FAT3: variants seen among roughly 807,000 people sequenced by gnomAD.
FAT3 encodes the protein protocadherin Fat 3.
A neutral mutation model predicts 310.2 loss-of-function variants in FAT3; 95 were observed. The observed-to-expected ratio is 0.31, with a 90% CI of 0.26 to 0.36. FAT3 has a LOEUF of 0.36. FAT3 is among the 10% of genes least tolerant of loss of function. The probability of loss-of-function intolerance (pLI) is 1.00; values close to 1 mark genes in which losing one functional copy is unlikely to be tolerated. For synonymous variants in FAT3, 2,314 were observed against 2,192.9 expected (o/e 1.06, Z -1.54); for missense variants, 5,408 against 5,715.6 (o/e 0.95, Z 1.74).
chr11:92,887,543 A>G (rs1373796952), intron 25 of FAT3, among the ~76,000 whole-genome samples: 1 of 152,238 alleles, frequency 6.6e-6, no homozygotes, highest in Non-Finnish European at 1.5e-5. Flanking sequence ...TTATAGAACC[A>G]GTGGAATCTT....
intron 22 of FAT3, among the ~76,000 whole-genome samples, chr11:92,867,590 T>C (rs1949281202): frequency 6.6e-6 from 1 of 152,168 alleles, no homozygotes. Flanking sequence ...AGTAGCACTA[T>C]GAGTTATGAT....
chr11:92,852,558 G>T (rs1948859734), intron 19 of FAT3, among the ~76,000 whole-genome samples: 1 of 152,060 alleles, frequency 6.6e-6, no homozygotes, highest in Non-Finnish European at 1.5e-5. Context: ...AACTATCCTT[G>T]CCAAAAACTA....
intron 3 of FAT3, among the ~76,000 whole-genome samples, chr11:92,551,445 T>TGTGTGTG (rs370180754): frequency 1.3e-5 from 2 of 151,362 alleles, no homozygotes; most frequent in African/African-American, 2.4e-5. Flanking sequence ...TGTGTGTGTG[T>TGTGTGTG]TTTCTCATCA....
intron 2 of FAT3, among the ~76,000 whole-genome samples, chr11:92,473,599 A>G (rs905422564): frequency 2.6e-5 from 4 of 152,188 alleles, no homozygotes; most frequent in Admixed American, 2.6e-4. Flanking sequence ...TTTAGGACAT[A>G]TTCCTGTGTG....
chr11:92,543,424 A>G (rs550164403), intron 3 of FAT3, among the ~76,000 whole-genome samples: 4 of 152,298 alleles, frequency 2.6e-5, no homozygotes, highest in African/African-American at 7.2e-5. Context: ...TCTTGTATCA[A>G]CACATCATAC....
intron 13 of FAT3, among the ~76,000 whole-genome samples, chr11:92,821,542 C>T (rs964546652): frequency 6.6e-6 from 1 of 152,174 alleles, no homozygotes; most frequent in African/African-American, 2.4e-5. Context: ...ATTAAATAAT[C>T]CTCCCTACAG....
At chr11:92,561,551 G>T (rs1955227291) in intron 3 of FAT3, among the ~76,000 whole-genome samples, 1 of 151,820 alleles carries the variant, frequency 6.6e-6, no homozygotes, top group Non-Finnish European at 1.5e-5. Flanking sequence ...TTCTCAGAGG[G>T]AGTATTGGTT....
chr11:92,384,542 T>C (rs894826098), intron 2 of FAT3, among the ~76,000 whole-genome samples: 4 of 152,156 alleles, frequency 2.6e-5, no homozygotes, highest in Non-Finnish European at 5.9e-5. Flanking sequence ...ATGTGTTGAT[T>C]CATTGTGAAA....
At chr11:92,486,342 T>G (rs1021600199) in intron 2 of FAT3, among the ~76,000 whole-genome samples, 1 of 151,768 alleles carries the variant, frequency 6.6e-6, no homozygotes, top group Non-Finnish European at 1.5e-5. Context: ...CAGATGGTGG[T>G]GTCTGCTTTG....
At chr11:92,596,401 A>G (rs1026279560) in intron 3 of FAT3, among the ~76,000 whole-genome samples, 14 of 152,132 alleles carry the variant, frequency 9.2e-5, no homozygotes, top group African/African-American at 3.1e-4. Context: ...ACATTCAAGG[A>G]CACTCCTGGG....
chr11:92,688,185 C>T (rs1003532041), intron 3 of FAT3, among the ~76,000 whole-genome samples: 6 of 151,790 alleles, frequency 4.0e-5, no homozygotes, highest in South Asian at 2.1e-4. Flanking sequence ...GATGACAGAG[C>T]GAGACCCTGT....
At chr11:92,583,837 C>G (rs1938975371) in intron 3 of FAT3, among the ~76,000 whole-genome samples, 1 of 149,578 alleles carries the variant, frequency 6.7e-6, no homozygotes, top group Non-Finnish European at 1.5e-5. Flanking sequence ...GTAGCTGACT[C>G]TACTCGCCTG....
At position 92,228,883 on chromosome 11, in the gene FAT3, C is replaced by CT. The variant is rs975625639; in HGVS notation, c.-18+3717dup. ...ATTGTGGGGTCATCCCCAGGTTTTT[C>CT]TTTTTTTTCCTTCTGCAGGAGCCTT... On this transcript the variant is annotated intron_variant, in intron 1 of 27. Transcript: ENST00000525166. Among the ~76,000 whole-genome samples, 15 of 152,022 alleles carry CT rather than the reference C, an allele frequency of 9.9e-5. No individual in the cohort carries two copies. In the South Asian group the frequency reaches 2.7e-3, roughly 27 times the overall value.
intron 3 of FAT3, among the ~76,000 whole-genome samples, chr11:92,580,184 T>G (rs1461904969): frequency 6.6e-6 from 1 of 152,016 alleles, no homozygotes; most frequent in Non-Finnish European, 1.5e-5. Context: ...ATGCCCCATA[T>G]CTCTTACTGA....
At chr11:92,348,431 A>G (rs1473339601) in intron 1 of FAT3, among the ~76,000 whole-genome samples, 1 of 152,242 alleles carries the variant, frequency 6.6e-6, no homozygotes, top group Non-Finnish European at 1.5e-5. Context: ...ACATTTTCAT[A>G]TTATGATAGC....
intron 24 of FAT3, chr11:92,886,755 G>T (rs575522463): frequency 9.1e-6 from 4 of 437,256 alleles, no homozygotes; most frequent in East Asian, 4.0e-5. Context: ...GCCACTTTTG[G>T]CTGTCAGCTG....
At chr11:92,827,223 C>G (rs1197840110) in intron 13 of FAT3, among the ~76,000 whole-genome samples, 3 of 152,186 alleles carry the variant, frequency 2.0e-5, no homozygotes, top group Admixed American at 1.3e-4. Flanking sequence ...GCTGTGTTAA[C>G]TTTTCCTTCC....
At chr11:92,721,010 G>C (rs754658284) in intron 4 of FAT3, among the ~76,000 whole-genome samples, 1 of 152,148 alleles carries the variant, frequency 6.6e-6, no homozygotes, top group Non-Finnish European at 1.5e-5. Flanking sequence ...ATGTGCCATG[G>C]TGGTTTATTG....
At chr11:92,725,583 G>GT (rs751033061) in intron 4 of FAT3, among the ~76,000 whole-genome samples, 23 of 149,350 alleles carry the variant, frequency 1.5e-4, no homozygotes, top group Non-Finnish European at 2.2e-4. Context: ...TACTTAGGAA[G>GT]TTTTTTTTTT....
Sources: gnomAD v4.1 joint callset for allele counts (sites outside exome capture counted in the v4.1 genomes callset) on GRCh38, gnomAD v4.1.1 for gene constraint, MANE v1.5 for transcripts, NCBI Gene and HGNC (gene_info 2026-07-23, HGNC 2026-07-21) for gene names.